TCF25: variants seen among roughly 807,000 people sequenced by gnomAD.
The protein encoded by TCF25 is TCF25 ribosome quality control complex subunit.
TCF25 carries 41 observed loss-of-function variants against 83.1 expected under a neutral mutation model. That is an observed-to-expected ratio of 0.49 (90% CI 0.38 to 0.64). The LOEUF is 0.64. Among genes scored for constraint, TCF25 ranks in the 30% least tolerant of loss-of-function variants. The pLI is 0.00. For synonymous variants in TCF25, 458 were observed against 365.0 expected, an observed-to-expected ratio of 1.25 and a Z score of -2.90; for missense variants, 979 against 914.5, an observed-to-expected ratio of 1.07 and a Z score of -0.91.
Position 89,893,727 on chromosome 16 carries a change from G to C in TCF25, c.698-1G>C. On this transcript the variant is annotated splice_acceptor_variant, in intron 6 of 17. Coordinates refer to ENST00000263346, the MANE Select transcript of TCF25 (RefSeq NM_014972.3). LOFTEE classifies it high-confidence loss of function. ...CCTCCCTGAGCACTCTCCCCTCCCA[G>C]GTCTGTCCATGCGGCTGCTGGAATC... 2 of 1,613,766 alleles carry C rather than the reference G, an allele frequency of 1.2e-6. No individual in the cohort carries two copies. Among genetic ancestry groups the C allele is most frequent in the South Asian group, 1.1e-5 (1 of 91,068 alleles).
rs1020737105 is a variant in TCF25 at position 89,888,998 on chromosome 16, C to A, written c.614+1281C>A. ...CATGGCGCCCGGCCCAGATAAATTT[C>A]ATCTGTGTCCATTCAGTAGTTCTTA... On this transcript the variant is annotated intron_variant, in intron 5 of 17. Coordinates refer to ENST00000263346, the MANE Select transcript of TCF25 (RefSeq NM_014972.3). 4.0e-5 allele frequency among the ~76,000 whole-genome samples: 6 copies of A among 151,584 alleles called. No homozygotes were observed. The South Asian group carries it at 8.3e-4, about 21-fold the overall frequency.
chr16:89,898,537 T>G lies in TCF25; in HGVS notation c.1023-20T>G. 2 of 1,589,822 alleles carry G rather than the reference T, an allele frequency of 1.3e-6. No individual in the cohort carries two copies. The highest frequency in any genetic ancestry group is 1.7e-6 in the Non-Finnish European group (2 of 1,171,360). On this transcript the variant is annotated intron_variant, in intron 9 of 17. Coordinates refer to ENST00000263346, the MANE Select transcript of TCF25 (RefSeq NM_014972.3). ...CTCCTTTGTGTCGTTGTAATTCATG[T>G]GGAACTATTTTGGATCTAGGAGCTT...
intron 1 of TCF25, among the ~76,000 whole-genome samples, chr16:89,881,889 G>A (rs1031660991): frequency 6.6e-6 from 1 of 152,248 alleles, no homozygotes; most frequent in African/African-American, 2.4e-5. Context: ...CGAGTAGCTG[G>A]GATTACAGGC....
At chr16:89,906,163 T>C in intron 14 of TCF25, 31 bp from the exon 15 acceptor site, 5 of 1,598,912 alleles carry the variant, frequency 3.1e-6, no homozygotes, top group East Asian at 2.2e-5. Context: ...CTGTGCTTTA[T>C]CTGCTGTGCC....
At position 89,907,212 on chromosome 16, in the gene TCF25, T is replaced by C. The variant is rs372021943; in HGVS notation, c.1720-31T>C. 4 of 1,609,994 alleles carry C rather than the reference T, an allele frequency of 2.5e-6. No homozygotes were observed. The African/African-American group carries it at 5.3e-5, about 22-fold the overall frequency. On this transcript the variant is annotated intron_variant, in intron 15 of 17. Transcript: ENST00000263346. ...GGTAGAGGCCCCCTGGCAGCATCTG[T>C]AGCATCTTCGTTTTATGTCCCTTTC...
At chr16:89,909,237 T>C in intron 16 of TCF25, 1 of 1,022,528 alleles carries the variant, frequency 9.8e-7, no homozygotes, top group South Asian at 1.5e-5. Context: ...GCCAGCTGGG[T>C]GCAGTGACTC....
chr16:89,904,050 G>A (rs1161183000), intron 12 of TCF25, 68 bp from the exon 13 acceptor site: 2 of 1,506,020 alleles, frequency 1.3e-6, no homozygotes, highest in Admixed American at 1.9e-5. Context: ...GTCCCTTACT[G>A]CCTTGGGGGC....
intron 8 of TCF25, 114 bp downstream of exon 8, chr16:89,895,251 T>C (rs2144139511): frequency 1.0e-6 from 1 of 963,908 alleles, no homozygotes; most frequent in African/African-American, 1.6e-5. Context: ...GACAGCTTTA[T>C]TGAGATACAA....
chr16:89,883,459 A>G lies in TCF25; in HGVS notation c.301A>G (p.Asn101Asp). Residue 101 changes from asparagine to aspartate, a missense_variant, in exon 2 of 18, where the codon AAC becomes GAC. Transcript: ENST00000263346. ...GAACAAAGGAAGGGGTCAGCGTGGA[A>G]ACACAGAGAGCAAGACGGATGGAGA... is the stretch of plus-strand genomic sequence containing the variant. ...PGNKGRGQRG[N>D]TESKTDGDDT... The G allele has an allele frequency of 6.2e-7, 1 of 1,613,798 alleles. No homozygotes were observed. The highest frequency in any genetic ancestry group is 8.5e-7 in the Non-Finnish European group (1 of 1,179,954).
At chr16:89,903,773 C>T (rs1423368245) in intron 12 of TCF25, among the ~76,000 whole-genome samples, 1 of 152,154 alleles carries the variant, frequency 6.6e-6, no homozygotes, top group Non-Finnish European at 1.5e-5. Context: ...CGCCAACGCA[C>T]TCCAGCCTGA....
Position 89,900,260 on chromosome 16 carries a change from AGTGGGCTGCTCTCACAGACTCGCGCGGGG to A in TCF25, c.1222-361_1222-333del, listed in dbSNP as rs1385309708. ...GGCTGCTCTCGGAAACTCGCGCGGC[AGTGGGCTGCTCTCACAGACTCGCGCGGGG>A]GTGGGCTGCTCTCGTCTGTAAATTT... On this transcript the variant is annotated intron_variant, in intron 11 of 17. Coordinates refer to ENST00000263346, the MANE Select transcript of TCF25 (RefSeq NM_014972.3). Among the ~76,000 whole-genome samples, 21 of 152,078 alleles carry A rather than the reference AGTGGGCTGCTCTCACAGACTCGCGCGGGG, an allele frequency of 1.4e-4. No homozygotes were observed. In the South Asian group the frequency reaches 2.9e-3, roughly 21 times the overall value.
chr16:89,889,110 G>A (rs1289534465), intron 5 of TCF25: 1 of 284,426 alleles, frequency 3.5e-6, no homozygotes, highest in Non-Finnish European at 6.7e-6. Context: ...GAGCAGGGGG[G>A]GTGTCTGCTT....
chr16:89,884,433 G>A, intron 2 of TCF25, 149 bp from the exon 3 acceptor site: 1 of 712,080 alleles, frequency 1.4e-6, no homozygotes, highest in Non-Finnish European at 2.4e-6. Flanking sequence ...GCCTGCTGGA[G>A]AGAAGAGAGT....
chr16:89,874,463 C>T (rs2042015347), intron 1 of TCF25: 1 of 152,974 alleles, frequency 6.5e-6, no homozygotes, highest in Non-Finnish European at 1.5e-5. Context: ...GGGTTGAGGA[C>T]TTGCCAGGCC....
At chr16:89,897,995 T>G (rs886303137) in intron 9 of TCF25, among the ~76,000 whole-genome samples, 2 of 151,080 alleles carry the variant, frequency 1.3e-5, no homozygotes, top group African/African-American at 4.9e-5. Context: ...CTCAGCTACT[T>G]GGAGAGGCTG....
chr16:89,882,259 G>A (rs935038841), intron 1 of TCF25, among the ~76,000 whole-genome samples: 4 of 152,224 alleles, frequency 2.6e-5, no homozygotes, highest in Admixed American at 2.6e-4. Context: ...TCCAGACTTG[G>A]CGTGGTGGCT....
chr16:89,909,036 C>G (rs1410259519), intron 16 of TCF25: 3 of 1,289,510 alleles, frequency 2.3e-6, no homozygotes, highest in Non-Finnish European at 3.0e-6. Context: ...ACGTTCTTTC[C>G]CATCTCCACC....
intron 12 of TCF25, 189 bp downstream of exon 12, chr16:89,900,983 G>A (rs1040256958): frequency 1.9e-5 from 12 of 623,168 alleles, no homozygotes; most frequent in South Asian, 1.1e-4. Context: ...AACCCGCTGC[G>A]TGCCAAGCCA....
At chr16:89,883,917 T>G in intron 2 of TCF25, 1 of 197,550 alleles carries the variant, frequency 5.1e-6, no homozygotes, top group Non-Finnish European at 1.1e-5. Flanking sequence ...TAAGTGAACT[T>G]TGAAGAAACA....
Sources: gnomAD v4.1 joint callset for allele counts (sites outside exome capture counted in the v4.1 genomes callset) on GRCh38, gnomAD v4.1.1 for gene constraint, MANE v1.5 for transcripts, NCBI Gene and HGNC (gene_info 2026-07-23, HGNC 2026-07-21) for gene names.